The following CALN1 variants were observed in gnomAD, a reference collection of about 807,000 sequenced individuals.
CALN1 encodes calneuron 1.
Under a neutral mutation model 30.6 loss-of-function variants are expected in CALN1, and 17 were observed. The observed-to-expected ratio is 0.56, with a 90% confidence interval of 0.38 to 0.83. The LOEUF is 0.83. CALN1 is among the 40% of genes least tolerant of loss of function. The pLI, the probability that CALN1 is intolerant of heterozygous loss-of-function variation, is 0.00. For missense variants in CALN1, 291 were observed against 354.9 expected (o/e 0.82, Z 1.45); for synonymous variants, 156 against 131.4 (o/e 1.19, Z -1.28).
At chr7:72,176,621 T>C (rs1178841679) in intron 3 of CALN1, among the ~76,000 whole-genome samples, 1 of 152,126 alleles carries the variant, frequency 6.6e-6, no homozygotes, top group Non-Finnish European at 1.5e-5. Context: ...CAGAAGCAGA[T>C]GCAGGCATCA....
intron 5 of CALN1, among the ~76,000 whole-genome samples, chr7:71,904,921 T>A (rs895210235): frequency 6.6e-6 from 1 of 150,570 alleles, no homozygotes; most frequent in African/African-American, 2.5e-5. Context: ...TATTTTGTTG[T>A]TTTTGTTCTT....
chr7:72,175,565 C>CATCTCT (rs1196330106), intron 3 of CALN1, among the ~76,000 whole-genome samples: 2 of 152,130 alleles, frequency 1.3e-5, no homozygotes, highest in African/African-American at 4.8e-5. Flanking sequence ...TGGCAAACTT[C>CATCTCT]ATCTGGGGAT....
At chr7:71,814,870 G>A (rs1269197298) in intron 5 of CALN1, among the ~76,000 whole-genome samples, 1 of 139,384 alleles carries the variant, frequency 7.2e-6, no homozygotes, top group Non-Finnish European at 1.5e-5. Context: ...GTCTCGCTCT[G>A]TCCCCCACCC....
the CALN1 span, among the ~76,000 whole-genome samples, chr7:72,504,007 G>C: frequency 3.3e-5 from 5 of 152,134 alleles, no homozygotes; most frequent in African/African-American, 7.2e-5. Context: ...GTGTGGGTGG[G>C]AGGAAGGGAG....
chr7:71,847,736 GAAGAAAGAAGAAGA>G (rs1392328996), intron 5 of CALN1, among the ~76,000 whole-genome samples: 2 of 114,338 alleles, frequency 1.7e-5, no homozygotes, highest in African/African-American at 6.3e-5. Flanking sequence ...AAAGAAGAAA[GAAGAAAGAAGAAGA>G]AAGAAGAAAG....
chr7:71,790,257 AAAG>A (rs1350263000), intron 6 of CALN1, among the ~76,000 whole-genome samples: 1 of 151,368 alleles, frequency 6.6e-6, no homozygotes, highest in Non-Finnish European at 1.5e-5. Flanking sequence ...AAGGAAGAAG[AAAG>A]AAAGCAAGAA....
At chr7:72,389,609 T>G (rs1294256680) in intron 2 of CALN1, among the ~76,000 whole-genome samples, 1 of 152,188 alleles carries the variant, frequency 6.6e-6, no homozygotes, top group Non-Finnish European at 1.5e-5. Flanking sequence ...GTCTCTTGAC[T>G]TAAGCTCAGT....
intron 3 of CALN1, among the ~76,000 whole-genome samples, chr7:72,214,363 C>T (rs940494784): frequency 6.6e-6 from 1 of 152,082 alleles, no homozygotes; most frequent in African/African-American, 2.4e-5. Context: ...GCCTGTAGTC[C>T]TAGCTACTCA....
At chr7:72,124,735 G>T (rs1236660957) in intron 3 of CALN1, among the ~76,000 whole-genome samples, 1 of 148,014 alleles carries the variant, frequency 6.8e-6, no homozygotes, top group Non-Finnish European at 1.5e-5. Context: ...AAAAAAAAAA[G>T]AAACAAAGAA....
upstream of CALN1, among the ~76,000 whole-genome samples, chr7:72,451,896 C>T (rs954991948): frequency 6.6e-6 from 1 of 151,738 alleles, no homozygotes; most frequent in Non-Finnish European, 1.5e-5. Flanking sequence ...GGGCTGGGTG[C>T]AGTGGCTCAT....
At chr7:72,358,725 C>G (rs896844846) in intron 2 of CALN1, among the ~76,000 whole-genome samples, 1 of 152,002 alleles carries the variant, frequency 6.6e-6, no homozygotes, top group Non-Finnish European at 1.5e-5. Flanking sequence ...CGGAGGCAAG[C>G]AGATCACGAG....
chr7:72,354,886 TTTC>T (rs1243663835), intron 2 of CALN1, among the ~76,000 whole-genome samples: 4 of 148,852 alleles, frequency 2.7e-5, no homozygotes, highest in African/African-American at 7.5e-5. Context: ...TAAGCAAAAA[TTTC>T]TTTTTTTTTT....
At chr7:71,931,785 A>G (rs1584539607) in intron 5 of CALN1, among the ~76,000 whole-genome samples, 1 of 152,166 alleles carries the variant, frequency 6.6e-6, no homozygotes, top group African/African-American at 2.4e-5. Context: ...CGGTGGCAGG[A>G]ATTACAGATT....
At chr7:72,153,735 G>GAGTA (rs747556079) in intron 3 of CALN1, among the ~76,000 whole-genome samples, 23 of 152,104 alleles carry the variant, frequency 1.5e-4, no homozygotes, top group Non-Finnish European at 2.8e-4. Flanking sequence ...GGCCCTCTCT[G>GAGTA]AGTAAGGGGA....
chr7:71,888,669 G>C (rs1046684342), intron 5 of CALN1, among the ~76,000 whole-genome samples: 1 of 152,126 alleles, frequency 6.6e-6, no homozygotes, highest in Non-Finnish European at 1.5e-5. Context: ...GGTTGGGTGA[G>C]AAGGGAGTTA....
At chr7:71,934,485 G>A (rs1795726514) in intron 5 of CALN1, among the ~76,000 whole-genome samples, 2 of 152,210 alleles carry the variant, frequency 1.3e-5, no homozygotes, top group South Asian at 2.1e-4. Context: ...ACCTCAGGAA[G>A]CTTTTACTCA....
chr7:71,953,147 G>C (rs896885746), intron 5 of CALN1, among the ~76,000 whole-genome samples: 1 of 151,900 alleles, frequency 6.6e-6, no homozygotes, highest in East Asian at 1.9e-4. Flanking sequence ...TTGCAGGAAC[G>C]GGATCTCGTT....
At chr7:72,427,153 TAAAA>T (rs1173060996) in intron 1 of CALN1, among the ~76,000 whole-genome samples, 8 of 152,144 alleles carry the variant, frequency 5.3e-5, no homozygotes, top group African/African-American at 1.4e-4. Flanking sequence ...TGACTAATTT[TAAAA>T]AATTATTTGT....
rs186769481 is a variant in CALN1, at chr7:71,845,147, G to A, written c.502-34655C>T. The stretch of plus-strand genomic sequence containing the variant: ...GATCCTCCTGCCTCGGCCTCCCAAA[G>A]TGCTGGAATTACAGGTGTGAGCCAC... On this transcript the variant is annotated intron_variant, in intron 5 of 6. Transcript: ENST00000395275. Among the ~76,000 whole-genome samples the A allele has an allele frequency of 6.0e-3, 906 of 152,242 alleles. 14 individuals are homozygous for A. Among genetic ancestry groups the A allele is most frequent in the African/African-American group, 0.019 (807 of 41,550 alleles).
Sources: allele counts gnomAD v4.1 joint callset (sites outside exome capture counted in the v4.1 genomes callset), GRCh38; gene constraint gnomAD v4.1.1; transcripts MANE v1.5; gene names NCBI Gene and HGNC (gene_info 2026-07-23, HGNC 2026-07-21).